Variants in ZCCHC14 observed in about 807,000 individuals in gnomAD.
ZCCHC14 encodes zinc finger CCHC domain-containing protein 14.
In ZCCHC14, 16 loss-of-function variants were observed where a neutral mutation model predicts 85.0. That is an observed-to-expected ratio of 0.19 (90% CI 0.13 to 0.29). The LOEUF (loss-of-function observed/expected upper bound fraction) is 0.29, where lower values mean the gene tolerates loss of function less well. ZCCHC14 is among the 10% of genes least tolerant of loss of function. ZCCHC14 has a pLI of 1.00. For synonymous variants in ZCCHC14, 775 were observed against 630.7 expected (o/e 1.23, Z -3.43); for missense variants, 1,303 against 1,443.5 (o/e 0.90, Z 1.58).
At position 87,491,064 on chromosome 16, in the gene ZCCHC14, G is replaced by A. The variant is rs950628023; in HGVS notation, c.570+605C>T. On this transcript the variant is annotated intron_variant, in intron 1 of 12. Transcript: ENST00000671377. The surrounding 1 kb of genome is among the most constrained non-coding windows in gnomAD (Gnocchi z 5.9). The stretch of plus-strand genomic sequence containing the variant: ...TTTCTGGTAATAAATACCAGATTTG[G>A]GGAAACCAAGGCGCCGCAATGTGTG... 6.6e-6 allele frequency among the ~76,000 whole-genome samples: 1 copy of A among 152,244 alleles called. No homozygotes were observed. Among genetic ancestry groups the A allele is most frequent in the South Asian group, 2.1e-4 (1 of 4,838 alleles).
At position 87,414,453 on chromosome 16, in the gene ZCCHC14, C is replaced by G. The variant is rs772652898; in HGVS notation, c.1564G>C (p.Val522Leu). The G allele has an allele frequency of 6.2e-7, 1 of 1,613,092 alleles. No homozygotes were observed. Among genetic ancestry groups the G allele is most frequent in the African/African-American group, 1.3e-5 (1 of 74,958 alleles). ...GVARVPPTSH[V>L]GPVQSGRGSH... Reference sequence around the variant, plus strand: ...CCCCGCCCCGACTGCACGGGCCCGACGTGGCTGGTGGGGGGCACTCGAGCC... The same window carrying G: ...CCCCGCCCCGACTGCACGGGCCCGAGGTGGCTGGTGGGGGGCACTCGAGCC... The change falls in exon 10 of 13, where the codon GTC becomes CTC. Residue 522 changes from valine (V) to leucine (L), a missense_variant. By Grantham distance (32) the Val-to-Leu change is conservative (BLOSUM62 1). Coordinates refer to ENST00000671377, the MANE Select transcript of ZCCHC14 (RefSeq NM_015144.3).
chr16:87,411,429 A>T (rs777599625), intron 12 of ZCCHC14, 87 bp downstream of exon 12: 3 of 1,548,772 alleles, frequency 1.9e-6, no homozygotes, highest in Non-Finnish European at 1.7e-6. Flanking sequence ...CTTTACAAAG[A>T]AAGAAGTTTA....
rs138118763 is a variant in ZCCHC14, at chr16:87,412,409, C to T, written c.2312G>A (p.Arg771His). ...GTPSTVLHAARPPIKLLLSSS... is the reference protein window; with the variant it reads ...GTPSTVLHAAHPPIKLLLSSS... ...CGACAGCAGCAGTTTGATGGGCGGA[C>T]GGGCGGCGTGGAGGACTGTGCTGGG... Residue 771 changes from arginine (R) to histidine (H), a missense_variant, in exon 12 of 13, where the codon CGT becomes CAT. Coordinates refer to ENST00000671377, the MANE Select transcript of ZCCHC14 (RefSeq NM_015144.3). The T allele has an allele frequency of 8.4e-5, 136 of 1,614,030 alleles. No individual in the cohort carries two copies. Among genetic ancestry groups the T allele is most frequent in the Non-Finnish European group, 1.0e-4 (121 of 1,180,044 alleles).
chr16:87,455,286 C>CCCCGTT (rs1555522909), intron 2 of ZCCHC14, among the ~76,000 whole-genome samples: 55 of 149,600 alleles, frequency 3.7e-4, no homozygotes, highest in Middle Eastern at 7.0e-3. Context: ...GAAACTCCGT[C>CCCCGTT]CCCCCCCGCC....
rs1291548799 is a variant in ZCCHC14, at chr16:87,491,167, C to A, written c.570+502G>T. Among the ~76,000 whole-genome samples the A allele has an allele frequency of 3.3e-5, 5 of 152,252 alleles. No homozygotes were observed. The highest frequency in any genetic ancestry group is 2.9e-5 in the Non-Finnish European group (2 of 68,046). ...CAGCCGGCTAAGTGAAAGGAGGGCA[C>A]CTGGGACTGTGAGCTCTGACCGCGG... is the stretch of plus-strand genomic sequence containing the variant. On this transcript the variant is annotated intron_variant, in intron 1 of 12. Transcript: ENST00000671377. The surrounding 1 kb of genome is among the most constrained non-coding windows in gnomAD (Gnocchi z 5.9).
intron 1 of ZCCHC14, among the ~76,000 whole-genome samples, chr16:87,475,019 A>G (rs1911937756): frequency 6.6e-6 from 1 of 152,214 alleles, no homozygotes; most frequent in Non-Finnish European, 1.5e-5. Flanking sequence ...TCTACAACAG[A>G]TCACTCACAA....
At chr16:87,416,724 C>G (rs889802753) in intron 8 of ZCCHC14, among the ~76,000 whole-genome samples, 23 of 152,118 alleles carry the variant, frequency 1.5e-4, no homozygotes, top group African/African-American at 5.3e-4. Context: ...CCATTGCACT[C>G]CAGCCCAGGT....
At chr16:87,433,348 C>A (rs1353501235) in intron 2 of ZCCHC14, 147 bp from the exon 3 acceptor site, 2 of 701,248 alleles carry the variant, frequency 2.9e-6, no homozygotes, top group Non-Finnish European at 4.7e-6. Context: ...CACCTAGAAC[C>A]AGAGCCCAGA....
chr16:87,412,817 A>G lies in ZCCHC14; in HGVS notation c.1904T>C (p.Leu635Pro). Residue 635 changes from leucine (L) to proline (P), a missense_variant, in exon 12 of 13, where the codon CTG (leucine) becomes CCG (proline). Physicochemically the swap from Leu to Pro is moderately conservative, Grantham distance 98. Around this residue, in one of 7 missense-constraint regions of ZCCHC14, gnomAD observed 797 missense variants for 730.8 expected, o/e 1.09. Coordinates refer to ENST00000671377, the MANE Select transcript of ZCCHC14 (RefSeq NM_015144.3). ...SGHHPLPPQM[L>P]SAASHITPIR... Reference sequence around the variant, plus strand: ...GGGTGTGATGTGTGAGGCTGCGCTCAGCATCTGCGGGGGCAGGGGGTGGTG... The same window carrying G: ...GGGTGTGATGTGTGAGGCTGCGCTCGGCATCTGCGGGGGCAGGGGGTGGTG... 1 of 1,611,200 alleles carries G rather than the reference A, an allele frequency of 6.2e-7. No homozygotes were observed. Among genetic ancestry groups the G allele is most frequent in the Admixed American group, 1.7e-5 (1 of 59,798 alleles).
chr16:87,456,742 T>G (rs1910988777), intron 2 of ZCCHC14, among the ~76,000 whole-genome samples: 1 of 151,858 alleles, frequency 6.6e-6, no homozygotes, highest in Non-Finnish European at 1.5e-5. Flanking sequence ...AAAAACTCAG[T>G]TTTAATCGAT....
chr16:87,454,085 C>G (rs1238616205), intron 2 of ZCCHC14, among the ~76,000 whole-genome samples: 2 of 151,898 alleles, frequency 1.3e-5, no homozygotes, highest in Non-Finnish European at 2.9e-5. Flanking sequence ...AGCTTGAAGA[C>G]AGATAAAAAG....
Position 87,411,560 on chromosome 16 carries a change from C to T in ZCCHC14, c.3161G>A (p.Arg1054His), listed in dbSNP as rs774416094. The T allele has an allele frequency of 6.2e-6, 10 of 1,613,562 alleles. No individual in the cohort carries two copies. In the East Asian group the frequency reaches 6.7e-5, roughly 11 times the overall value. Residue 1054 changes from arginine (R) to histidine (H), a missense_variant, in exon 12 of 13, where the codon CGC (arginine) becomes CAC (histidine). Transcript: ENST00000671377. ...GGACGGCTGTTTGCAGTCCTGGGCG[C>T]GGTGACCAGTGGCCCCGCAGTTGTA... Reference protein sequence around the residue: ...SCYNCGATGHRAQDCKQPSMD... With the variant: ...SCYNCGATGHHAQDCKQPSMD...
In ZCCHC14 at chr16:87,481,469, G is replaced by A. The variant is rs1372163829; in HGVS notation, c.570+10200C>T. On this transcript the variant is annotated intron_variant, in intron 1 of 12. Coordinates refer to ENST00000671377, the MANE Select transcript of ZCCHC14 (RefSeq NM_015144.3). ...CATACTGCCTCAAATCTAAGCCTGC[G>A]TCCAGAGAAGTGTGCCATGTATGTG... Among the ~76,000 whole-genome samples the A allele has an allele frequency of 6.1e-5, 9 of 146,382 alleles. No individual in the cohort carries two copies. The South Asian group carries it at 6.6e-4, about 11-fold the overall frequency.
intron 1 of ZCCHC14, among the ~76,000 whole-genome samples, chr16:87,470,053 C>T (rs1038321240): frequency 1.3e-5 from 2 of 151,988 alleles, no homozygotes; most frequent in African/African-American, 4.8e-5. Flanking sequence ...CAGCCTGGGG[C>T]CAGGAGCAGT....
At chr16:87,434,330 T>G (rs1231486613) in intron 2 of ZCCHC14, among the ~76,000 whole-genome samples, 1 of 152,144 alleles carries the variant, frequency 6.6e-6, no homozygotes, top group Admixed American at 6.5e-5. Flanking sequence ...AGCGCTGAAG[T>G]TTCTCACTGC....
chr16:87,467,570 T>C (rs1462033093), intron 1 of ZCCHC14: 1 of 1,552,694 alleles, frequency 6.4e-7, no homozygotes, highest in African/African-American at 1.4e-5. Context: ...CAATTCCCGT[T>C]GGTTCTGAAA....
At chr16:87,433,055 G>A in intron 3 of ZCCHC14, 73 bp downstream of exon 3, 1 of 1,498,680 alleles carries the variant, frequency 6.7e-7, no homozygotes, top group Non-Finnish European at 9.2e-7. Context: ...AGCTAGGAAG[G>A]AAAAGCATCT....
chr16:87,482,427 T>C (rs1395112735), intron 1 of ZCCHC14, among the ~76,000 whole-genome samples: 3 of 152,124 alleles, frequency 2.0e-5, no homozygotes, highest in Non-Finnish European at 4.4e-5. Context: ...GTGCCAGAAC[T>C]GGCGAAGGCA....
chr16:87,436,360 C>T (rs1376883112), intron 2 of ZCCHC14, among the ~76,000 whole-genome samples: 2 of 152,272 alleles, frequency 1.3e-5, no homozygotes, highest in African/African-American at 4.8e-5. Flanking sequence ...AGCGACGCAG[C>T]GAGGCTCCCT....
Sources: gnomAD v4.1 joint callset for allele counts (sites outside exome capture counted in the v4.1 genomes callset) on GRCh38, gnomAD v4.1.1 for gene constraint, gnomAD v4.1.1 regional missense constraint, Gnocchi (gnomAD v3.1) non-coding constraint, MANE v1.5 for transcripts, NCBI Gene and HGNC (gene_info 2026-07-23, HGNC 2026-07-21) for gene names.